MSRB3: variants seen among roughly 807,000 people sequenced by gnomAD.
The protein encoded by MSRB3 is methionine-R-sulfoxide reductase B3.
Under a neutral mutation model 21.0 loss-of-function variants are expected in MSRB3, and 13 were observed. The observed-to-expected ratio is 0.62, with a 90% CI of 0.40 to 0.98. The LOEUF is 0.98. Among genes scored for constraint, MSRB3 ranks in the 50% least tolerant of loss-of-function variants. The probability of loss-of-function intolerance (pLI) is 0.00; values close to 1 mark genes in which losing one functional copy is unlikely to be tolerated. For missense variants in MSRB3, 199 were observed against 230.3 expected (o/e 0.86, Z 0.88); for synonymous variants, 87 against 88.6 (o/e 0.98, Z 0.10).
chr12:65,453,265 A>G (rs1254195042), intron 5 of MSRB3, among the ~76,000 whole-genome samples: 1 of 152,198 alleles, frequency 6.6e-6, no homozygotes. Context: ...AATTTTAACT[A>G]TCCAAACTAG....
At chr12:65,430,399 C>G (rs1881820379) in intron 5 of MSRB3, among the ~76,000 whole-genome samples, 1 of 152,172 alleles carries the variant, frequency 6.6e-6, no homozygotes, top group African/African-American at 2.4e-5. Context: ...ACATTATACT[C>G]TGTTTGTCCC....
intron 2 of MSRB3, among the ~76,000 whole-genome samples, chr12:65,325,692 C>T (rs773113994): frequency 2.6e-5 from 4 of 152,102 alleles, no homozygotes; most frequent in East Asian, 1.9e-4. Flanking sequence ...AAAGAAGTTG[C>T]GTTTAGTATT....
intron 4 of MSRB3, among the ~76,000 whole-genome samples, chr12:65,361,615 T>C (rs1877711938): frequency 6.6e-6 from 1 of 152,182 alleles, no homozygotes; most frequent in Non-Finnish European, 1.5e-5. Flanking sequence ...ATTAATGTTT[T>C]GTAATGAATT....
intron 6 of MSRB3, among the ~76,000 whole-genome samples, chr12:65,457,068 C>G (rs564023844): frequency 6.6e-6 from 1 of 151,998 alleles, no homozygotes; most frequent in Non-Finnish European, 1.5e-5. Context: ...TTTAGTAGTT[C>G]CCATGCTAGA....
intron 2 of MSRB3, among the ~76,000 whole-genome samples, chr12:65,320,203 A>G (rs1214034571): frequency 6.6e-6 from 1 of 152,164 alleles, no homozygotes; most frequent in African/African-American, 2.4e-5. Context: ...TAAAGATATG[A>G]TTTTTCTTAC....
intron 4 of MSRB3, among the ~76,000 whole-genome samples, chr12:65,348,728 C>G (rs982624038): frequency 3.2e-4 from 49 of 152,154 alleles, no homozygotes; most frequent in Middle Eastern, 6.3e-3. Flanking sequence ...GCATTTAGTG[C>G]TATAAATTTC....
At chr12:65,458,724 ATCT>A (rs1883195746) in intron 6 of MSRB3, among the ~76,000 whole-genome samples, 1 of 152,080 alleles carries the variant, frequency 6.6e-6, no homozygotes, top group Admixed American at 6.5e-5. Context: ...TCCAAAGAGG[ATCT>A]TCATCTTAAA....
chr12:65,443,973 A>T (rs1882500679), intron 5 of MSRB3, among the ~76,000 whole-genome samples: 1 of 152,184 alleles, frequency 6.6e-6, no homozygotes, highest in Non-Finnish European at 1.5e-5. Context: ...TTGTAAATAT[A>T]ATGTAAATAA....
intron 1 of MSRB3, among the ~76,000 whole-genome samples, chr12:65,298,295 C>T (rs1228553439): frequency 6.6e-6 from 1 of 152,202 alleles, no homozygotes; most frequent in Non-Finnish European, 1.5e-5. Context: ...TGAGCCACCA[C>T]ACCCTGCTGA....
chr12:65,358,479 T>C (rs552406840), intron 4 of MSRB3, among the ~76,000 whole-genome samples: 1 of 152,164 alleles, frequency 6.6e-6, no homozygotes, highest in South Asian at 2.1e-4. Context: ...TGTTCCAGGT[T>C]TGGCCATTGA....
At chr12:65,395,582 T>C (rs1879735860) in intron 5 of MSRB3, among the ~76,000 whole-genome samples, 1 of 152,202 alleles carries the variant, frequency 6.6e-6, no homozygotes. Context: ...GTAGAAAATA[T>C]GTATCATTAA....
chr12:65,404,261 G>A (rs138645855), intron 5 of MSRB3, among the ~76,000 whole-genome samples: 1 of 152,180 alleles, frequency 6.6e-6, no homozygotes, highest in East Asian at 1.9e-4. Context: ...TTTAGTGGTT[G>A]CCCTGGAGTT....
chr12:65,351,868 G>A (rs1443711282), intron 4 of MSRB3, among the ~76,000 whole-genome samples: 4 of 152,010 alleles, frequency 2.6e-5, no homozygotes, highest in African/African-American at 4.8e-5. Context: ...ATTCACAGCC[G>A]AATTCTATCA....
chr12:65,418,955 C>T (rs1161227314), intron 5 of MSRB3: 2 of 709,428 alleles, frequency 2.8e-6, no homozygotes, highest in Non-Finnish European at 5.1e-6. Flanking sequence ...TGCCCCTCTG[C>T]CCGGGTCTGT....
At chr12:65,430,649 A>G (rs1881831258) in intron 5 of MSRB3, among the ~76,000 whole-genome samples, 1 of 152,130 alleles carries the variant, frequency 6.6e-6, no homozygotes. Flanking sequence ...TTTCCTCAGG[A>G]AAAACTTGAC....
intron 5 of MSRB3, among the ~76,000 whole-genome samples, chr12:65,395,071 A>G (rs545120528): frequency 1.3e-5 from 2 of 152,350 alleles, no homozygotes; most frequent in South Asian, 2.1e-4. Flanking sequence ...AAGAAAAAAG[A>G]AAAGAACAGA....
chr12:65,347,777 T>G (rs1047210593), intron 4 of MSRB3, among the ~76,000 whole-genome samples: 12 of 152,332 alleles, frequency 7.9e-5, no homozygotes, highest in South Asian at 2.1e-4. Flanking sequence ...CCTAATTTAT[T>G]GAGAGTTTTT....
chr12:65,352,104 G>C (rs373389941), intron 4 of MSRB3, among the ~76,000 whole-genome samples: 2 of 152,008 alleles, frequency 1.3e-5, no homozygotes, highest in African/African-American at 4.8e-5. Flanking sequence ...ACATCAAAAA[G>C]CTTATCCACC....
chr12:65,453,482 G>A (rs1882950351), intron 5 of MSRB3, among the ~76,000 whole-genome samples: 1 of 152,174 alleles, frequency 6.6e-6, no homozygotes, highest in Non-Finnish European at 1.5e-5. Flanking sequence ...GATGGTCTAA[G>A]AATGTCTCAT....
Sources: gnomAD v4.1 joint callset for allele counts (sites outside exome capture counted in the v4.1 genomes callset) on GRCh38, gnomAD v4.1.1 for gene constraint, MANE v1.5 for transcripts, NCBI Gene and HGNC (gene_info 2026-07-23, HGNC 2026-07-21) for gene names.